TXNDC12: variants seen among roughly 807,000 people sequenced by gnomAD.
The protein encoded by TXNDC12 is thioredoxin domain containing 12.
In TXNDC12, 22 loss-of-function variants were observed where a neutral mutation model predicts 24.2. The observed-to-expected ratio is 0.91, with a 90% confidence interval of 0.65 to 1.30. TXNDC12 has a LOEUF of 1.30. Ranked by LOEUF, TXNDC12 falls within the 50% of genes most tolerant of loss-of-function variation. The probability of loss-of-function intolerance (pLI) is 0.00; values close to 1 mark genes in which losing one functional copy is unlikely to be tolerated. For synonymous variants in TXNDC12, 58 were observed against 73.4 expected (o/e 0.79, Z 1.07); for missense variants, 184 against 205.8 (o/e 0.89, Z 0.65).
chr1:52,033,696 G>C, intron 2 of TXNDC12: 1 of 1,611,188 alleles, frequency 6.2e-7, no homozygotes, highest in Non-Finnish European at 8.5e-7. Flanking sequence ...CCAGCGCCAC[G>C]CGCAACTCTT....
upstream of TXNDC12, chr1:52,055,369 G>C (rs770993872): frequency 4.4e-4 from 190 of 434,198 alleles, no homozygotes; most frequent in Middle Eastern, 4.2e-3. Flanking sequence ...TGGGTGTCCA[G>C]GTCCCGGGAC....
At chr1:52,022,427 G>A (rs1013573407) in intron 6 of TXNDC12, among the ~76,000 whole-genome samples, 3 of 152,006 alleles carry the variant, frequency 2.0e-5, no homozygotes, top group African/African-American at 7.3e-5. Context: ...CTCTCTCCTG[G>A]AACATGCTTT....
At position 52,034,844 on chromosome 1, in the gene TXNDC12, A is replaced by G. The variant is rs181129201; in HGVS notation, c.159-6214T>C. ...AGTGGTATGATCTCAGCTCCCTGCAACCTCCACCTCCTGAGTTCAAGCGAT... is the reference window on the plus strand; with the variant it reads ...AGTGGTATGATCTCAGCTCCCTGCAGCCTCCACCTCCTGAGTTCAAGCGAT... On this transcript the variant is annotated intron_variant, in intron 2 of 6. Transcript: ENST00000371626. Among the ~76,000 whole-genome samples the G allele has an allele frequency of 4.0e-4, 61 of 151,954 alleles. 1 individual carries two copies. In the South Asian group the frequency reaches 6.0e-3, roughly 15 times the overall value.
chr1:52,023,675 C>T (rs1685633830), intron 5 of TXNDC12, 101 bp from the exon 6 acceptor site: 18 of 863,992 alleles, frequency 2.1e-5, no homozygotes, highest in Non-Finnish European at 2.3e-5. Flanking sequence ...TAAGATCTGC[C>T]CATATTTGCA....
intron 2 of TXNDC12, among the ~76,000 whole-genome samples, chr1:52,035,947 T>C (rs1040404320): frequency 6.6e-6 from 1 of 152,214 alleles, no homozygotes; most frequent in South Asian, 2.1e-4. Context: ...CAAGTTATTT[T>C]AGTAAACTTA....
upstream of TXNDC12, chr1:52,055,387 G>C (rs1014559456): frequency 2.4e-6 from 1 of 412,968 alleles, no homozygotes; most frequent in Non-Finnish European, 4.5e-6. Context: ...GACGGAGCGG[G>C]AAAATGTAGG....
chr1:52,048,244 C>G (rs553974926), intron 1 of TXNDC12, among the ~76,000 whole-genome samples: 1 of 151,820 alleles, frequency 6.6e-6, no homozygotes, highest in Admixed American at 6.6e-5. Context: ...GCAGGAGGAT[C>G]ACTTGAGGCT....
chr1:52,043,568 TAA>T (rs891403722), intron 1 of TXNDC12, among the ~76,000 whole-genome samples: 7 of 152,230 alleles, frequency 4.6e-5, no homozygotes, highest in Non-Finnish European at 8.8e-5. Context: ...TTCTCATCTT[TAA>T]AAGAGGCATA....
In TXNDC12 at chr1:52,020,292, C is replaced by G; in HGVS notation, c.*641G>C. 2.6e-6 allele frequency: 1 copy of G among 383,438 alleles called. No homozygotes were observed. The highest frequency in any genetic ancestry group is 5.1e-6 in the Non-Finnish European group (1 of 194,508). 23.8% of individuals were successfully genotyped at this position (383,438 alleles called of 1,614,324 possible). ...GTAACAAGGGAAAGCATGCTTCCACCTGGAGCCGAGTCCAAGCACACAGCC... is the reference window on the plus strand; with the variant it reads ...GTAACAAGGGAAAGCATGCTTCCACGTGGAGCCGAGTCCAAGCACACAGCC... On this transcript the variant is annotated 3_prime_UTR_variant, in exon 7 of 7. Transcript: ENST00000371626.
At chr1:52,033,370 C>T in intron 2 of TXNDC12, 1 of 1,613,704 alleles carries the variant, frequency 6.2e-7, no homozygotes, top group Non-Finnish European at 8.5e-7. Context: ...CCAACTCACA[C>T]TGACGTTCCG....
At position 52,054,997 on chromosome 1, in the gene TXNDC12, G is replaced by C; in HGVS notation, c.97+3C>G. 6.2e-7 allele frequency: 1 copy of C among 1,610,364 alleles called. No individual in the cohort carries two copies. The highest frequency in any genetic ancestry group is 8.5e-7 in the Non-Finnish European group (1 of 1,176,634). On this transcript the variant is annotated splice_donor_region_variant and intron_variant, in intron 1 of 6. Transcript: ENST00000371626. ...TAAAGAGAAGATAAGAACGCGGTCT[G>C]ACCCTTTCCAAGCCCATTATGTCCA... is the stretch of plus-strand genomic sequence containing the variant.
chr1:52,032,721 C>T, intron 2 of TXNDC12: 1 of 1,611,278 alleles, frequency 6.2e-7, no homozygotes, highest in Non-Finnish European at 8.5e-7. Context: ...GGCTCAAATA[C>T]TGAAGAAACA....
At chr1:52,041,238 C>G (rs1685983147) in intron 2 of TXNDC12, among the ~76,000 whole-genome samples, 1 of 151,340 alleles carries the variant, frequency 6.6e-6, no homozygotes, top group South Asian at 2.1e-4. Flanking sequence ...GAGGCTGAGG[C>G]AGGAGAATGG....
chr1:52,045,690 A>C (rs1307736871), intron 1 of TXNDC12, among the ~76,000 whole-genome samples: 1 of 152,252 alleles, frequency 6.6e-6, no homozygotes, highest in Non-Finnish European at 1.5e-5. Context: ...GTACAACACC[A>C]AGAATGAACC....
intron 2 of TXNDC12, chr1:52,033,837 G>C: frequency 6.8e-7 from 1 of 1,465,856 alleles, no homozygotes; most frequent in Non-Finnish European, 9.0e-7. Context: ...TAAGCCGGAA[G>C]TGCAAACTGC....
chr1:52,033,067 A>C (rs556254591), intron 2 of TXNDC12: 1 of 1,601,000 alleles, frequency 6.2e-7, no homozygotes, highest in African/African-American at 1.3e-5. Context: ...TAGGCCCACC[A>C]AAGTGAATAA....
chr1:52,035,953 A>G (rs1685876134), intron 2 of TXNDC12, among the ~76,000 whole-genome samples: 1 of 152,186 alleles, frequency 6.6e-6, no homozygotes, highest in Non-Finnish European at 1.5e-5. Context: ...ATTTTAGTAA[A>G]CTTAGAAAAA....
At chr1:52,032,958 GC>G in intron 2 of TXNDC12, 1 of 1,588,322 alleles carries the variant, frequency 6.3e-7, no homozygotes, top group Non-Finnish European at 8.6e-7. Flanking sequence ...GCAGAAAGCT[GC>G]CGGAGGCGAG....
intron 1 of TXNDC12, among the ~76,000 whole-genome samples, chr1:52,042,996 G>T (rs1218408375): frequency 6.6e-6 from 1 of 152,222 alleles, no homozygotes; most frequent in East Asian, 1.9e-4. Context: ...CTGAGCTCAG[G>T]TGATCTGCCA....
Sources: gnomAD v4.1 joint callset for allele counts (sites outside exome capture counted in the v4.1 genomes callset) on GRCh38, gnomAD v4.1.1 for gene constraint, MANE v1.5 for transcripts, NCBI Gene and HGNC (gene_info 2026-07-23, HGNC 2026-07-21) for gene names.